The following FXR1 variants were observed in gnomAD, a reference collection of about 807,000 sequenced individuals.
The protein encoded by FXR1 is FMR1 autosomal homolog 1, also known as RNA-binding protein FXR1.
Under a neutral mutation model 84.0 loss-of-function variants are expected in FXR1, and 15 were observed. The ratio of observed to expected loss-of-function variants is 0.18; its 90% CI spans 0.12 to 0.27. The LOEUF is 0.27. Ranked by LOEUF, FXR1 falls within the 10% of genes least tolerant of loss-of-function variation. The probability of loss-of-function intolerance (pLI) is 1.00; values close to 1 mark genes in which losing one functional copy is unlikely to be tolerated. For missense variants in FXR1, 480 were observed against 774.4 expected (o/e 0.62, Z 4.51); for synonymous variants, 245 against 250.7 (o/e 0.98, Z 0.21).
intron 9 of FXR1, among the ~76,000 whole-genome samples, chr3:180,955,975 G>A (rs1454879171): frequency 6.6e-6 from 1 of 152,142 alleles, no homozygotes; most frequent in Non-Finnish European, 1.5e-5. Flanking sequence ...CTCAGGAGTA[G>A]TACAAGAATT....
At chr3:180,922,570 G>A (rs1718708418) in intron 1 of FXR1, among the ~76,000 whole-genome samples, 1 of 152,072 alleles carries the variant, frequency 6.6e-6, no homozygotes, top group Non-Finnish European at 1.5e-5. Context: ...CCTCTGACCT[G>A]ATGTAAGAGT....
At chr3:180,965,669 C>T (rs1215612978) in intron 13 of FXR1, among the ~76,000 whole-genome samples, 2 of 152,172 alleles carry the variant, frequency 1.3e-5, no homozygotes, top group Non-Finnish European at 2.9e-5. Context: ...CCAGGATAAT[C>T]TCTCTATCTC....
intron 9 of FXR1, among the ~76,000 whole-genome samples, chr3:180,955,286 A>T (rs1722640033): frequency 6.6e-6 from 1 of 152,136 alleles, no homozygotes; most frequent in African/African-American, 2.4e-5. Context: ...GGCGTGATCC[A>T]CCGCGCCCGG....
At chr3:180,931,026 C>CAAAAAAAAAAAAAAAAAAAA (rs57731098) in intron 1 of FXR1, among the ~76,000 whole-genome samples, 6 of 55,622 alleles carry the variant, frequency 1.1e-4, no homozygotes, top group African/African-American at 3.0e-4. Flanking sequence ...GAGACTGCCT[C>CAAAAAAAAAAAAAAAAAAAA]AAAAAAAAAA....
chr3:180,952,606 A>G (rs1722338964), intron 8 of FXR1, among the ~76,000 whole-genome samples: 1 of 151,922 alleles, frequency 6.6e-6, no homozygotes, highest in East Asian at 1.9e-4. Context: ...TTGGAGCTAT[A>G]CTGCCTGGAT....
Position 180,914,932 on chromosome 3 carries a change from G to A in FXR1, c.51+2196G>A, listed in dbSNP as rs1222842189. The stretch of plus-strand genomic sequence containing the variant: ...GGAAACTGTGGTCTTCAGAACTCTG[G>A]AAGAATGAGAATGGCGGAGTGGAAA... On this transcript the variant is annotated intron_variant, in intron 1 of 16. Transcript: ENST00000357559. 12 of 984,938 alleles carry A rather than the reference G, an allele frequency of 1.2e-5. No individual in the cohort carries two copies. In the East Asian group the frequency reaches 1.4e-3, roughly 112 times the overall value. The allele number at this position is 984,938 out of a possible 1,614,324, so 61.0% of individuals were successfully genotyped here. A position where few individuals can be genotyped will look rare whatever the true frequency, so the allele number is the denominator to read the frequency against.
At chr3:180,941,512 C>T (rs1721117128) in intron 3 of FXR1, among the ~76,000 whole-genome samples, 1 of 152,142 alleles carries the variant, frequency 6.6e-6, no homozygotes, top group South Asian at 2.1e-4. Context: ...AAAAGATATA[C>T]ATGGATTATT....
At chr3:180,945,554 G>T (rs746426738) in intron 3 of FXR1, among the ~76,000 whole-genome samples, 1 of 152,112 alleles carries the variant, frequency 6.6e-6, no homozygotes, top group Non-Finnish European at 1.5e-5. Flanking sequence ...ACAGGTGCAC[G>T]CTACGACACC....
At chr3:180,912,792 GGAGGGTTGGTGGTCCCAGAGAGT>G in intron 1 of FXR1, 56 bp downstream of exon 1, 1 of 1,613,768 alleles carries the variant, frequency 6.2e-7, no homozygotes. Flanking sequence ...CGCGTTTGAG[GGAGGGTTGGTGGTCCCAGAGAGT>G]GAGGTTTGGG....
At chr3:180,940,580 G>GTTTTTTTT (rs746815811) in intron 3 of FXR1, among the ~76,000 whole-genome samples, 30 of 146,128 alleles carry the variant, frequency 2.1e-4, no homozygotes, top group African/African-American at 6.4e-4. Context: ...GTTTTTTTCT[G>GTTTTTTTT]TTTTCTTTTT....
chr3:180,955,098 G>A (rs566956268), intron 9 of FXR1, among the ~76,000 whole-genome samples: 6 of 151,214 alleles, frequency 4.0e-5, no homozygotes, highest in East Asian at 3.9e-4. Context: ...GGGTTCAAGC[G>A]ATTCTACTGC....
intron 9 of FXR1, among the ~76,000 whole-genome samples, chr3:180,955,916 C>T (rs891682867): frequency 2.0e-5 from 3 of 152,074 alleles, no homozygotes; most frequent in African/African-American, 7.2e-5. Context: ...GGGTTGTGTG[C>T]TCTATAGGAA....
chr3:180,913,471 T>C lies in FXR1; in HGVS notation c.51+735T>C, dbSNP rs183746346. Among the ~76,000 whole-genome samples, 6 of 152,298 alleles carry C rather than the reference T, an allele frequency of 3.9e-5. No individual in the cohort carries two copies. The East Asian group carries it at 1.2e-3, about 29-fold the overall frequency. ...TCAGGGAGATAGGTGGAGAGGTGAC[T>C]AATTTCTTTATATCACTGCCCCTGT... On this transcript the variant is annotated intron_variant, in intron 1 of 16. Coordinates refer to ENST00000357559, the MANE Select transcript of FXR1 (RefSeq NM_005087.4).
intron 4 of FXR1, 139 bp downstream of exon 4, chr3:180,948,075 G>A: frequency 3.2e-6 from 2 of 627,338 alleles, no homozygotes; most frequent in East Asian, 2.7e-5. Flanking sequence ...ATTTCCATTA[G>A]CATTAATTTC....
At chr3:180,915,371 G>A (rs1717759465) in intron 1 of FXR1, 1 of 631,332 alleles carries the variant, frequency 1.6e-6, no homozygotes, top group Non-Finnish European at 2.7e-6. Flanking sequence ...CTTCTAGAGT[G>A]TTTTCTGTCC....
chr3:180,961,540 A>G lies in FXR1; in HGVS notation c.1063A>G (p.Ile355Val), dbSNP rs1203899785. 4.0e-6 allele frequency: 6 copies of G among 1,481,874 alleles called. No individual in the cohort carries two copies. The African/African-American group carries it at 4.1e-5, about 10-fold the overall frequency. The allele number at this position is 1,481,874 out of a possible 1,614,324, so 91.8% of individuals were successfully genotyped here. A position where few individuals can be genotyped will look rare whatever the true frequency, so the allele number is the denominator to read the frequency against. The change falls in exon 11 of 17, where the codon ATT becomes GTT. Residue 355 changes from isoleucine (I) to valine (V), a missense_variant. Physicochemically the swap from Ile to Val is conservative, Grantham distance 29. This residue lies in a region of FXR1 where 33 missense variants were observed against 42.4 expected (regional missense o/e 0.78). Transcript: ENST00000357559. ...TGTGCAGGTTCTTCTAGAGTATCATATTGCCTATCTAAAGGTTTGTATACG... is the reference window on the plus strand; with the variant it reads ...TGTGCAGGTTCTTCTAGAGTATCATGTTGCCTATCTAAAGGTTTGTATACG... ...GNVQVLLEYH[I>V]AYLKEVEQLR... is the part of the protein sequence containing the mutation.
At chr3:180,965,085 C>T (rs1006737169) in intron 13 of FXR1, among the ~76,000 whole-genome samples, 3 of 151,848 alleles carry the variant, frequency 2.0e-5, no homozygotes, top group Admixed American at 6.6e-5. Flanking sequence ...GGCACAATCT[C>T]GGCTCACCGC....
rs1399310619 is a variant in FXR1, at chr3:180,957,958, T to C, written c.990+30T>C. On this transcript the variant is annotated intron_variant, in intron 10 of 16. Coordinates refer to ENST00000357559, the MANE Select transcript of FXR1 (RefSeq NM_005087.4). ...GTATTTAAAATGTAATCTGCCTCTTTAAAATGTCCTTTTTTTGGCCAACTT... is the reference window on the plus strand; with the variant it reads ...GTATTTAAAATGTAATCTGCCTCTTCAAAATGTCCTTTTTTTGGCCAACTT... The C allele has an allele frequency of 4.0e-6, 4 of 999,194 alleles. No individual in the cohort carries two copies. In the East Asian group the frequency reaches 1.0e-4, roughly 25 times the overall value. The allele number at this position is 999,194 out of a possible 1,614,324, so 61.9% of individuals were successfully genotyped here. A position where few individuals can be genotyped will look rare whatever the true frequency, so the allele number is the denominator to read the frequency against.
chr3:180,912,777 T>C (rs1805579), intron 1 of FXR1, 41 bp downstream of exon 1: 321,439 of 1,613,398 alleles, frequency 0.2, 33,663 homozygotes, highest in South Asian at 0.25. Context: ...TTCTGGGTGC[T>C]GGAGCGCGTT....
Sources: allele counts gnomAD v4.1 joint callset (sites outside exome capture counted in the v4.1 genomes callset), GRCh38; gene constraint gnomAD v4.1.1; regional missense constraint gnomAD v4.1.1; transcripts MANE v1.5; gene names NCBI Gene and HGNC (gene_info 2026-07-23, HGNC 2026-07-21).